KCTD1: variants seen among roughly 807,000 people sequenced by gnomAD.
KCTD1 encodes potassium channel tetramerization domain containing 1.
A neutral mutation model predicts 66.0 loss-of-function variants in KCTD1; 24 were observed. That is an observed-to-expected ratio of 0.36 (90% confidence interval 0.26 to 0.51). The LOEUF (loss-of-function observed/expected upper bound fraction) is 0.51. Among genes scored for constraint, KCTD1 ranks in the 20% least tolerant of loss-of-function variants. The probability of loss-of-function intolerance (pLI) is 0.95; values close to 1 mark genes in which losing one functional copy is unlikely to be tolerated. For synonymous variants in KCTD1, 511 were observed against 517.2 expected (o/e 0.99, Z 0.16); for missense variants, 943 against 1,205.2 (o/e 0.78, Z 3.22).
chr18:26,558,098 A>G (rs1985751539), intron 1 of KCTD1, among the ~76,000 whole-genome samples: 1 of 152,232 alleles, frequency 6.6e-6, no homozygotes, highest in South Asian at 2.1e-4. Flanking sequence ...GACAGTGATC[A>G]TGGAACTTGC....
At chr18:26,542,896 T>C (rs1985040282) in intron 1 of KCTD1, 2 of 152,332 alleles carry the variant, frequency 1.3e-5, no homozygotes, top group Middle Eastern at 3.4e-3. Flanking sequence ...ACAACATTAA[T>C]ATGTGAGTGC....
At chr18:26,568,433 C>T (rs575343482) in intron 1 of KCTD1, among the ~76,000 whole-genome samples, 4 of 152,028 alleles carry the variant, frequency 2.6e-5, no homozygotes, top group Admixed American at 2.6e-4. Flanking sequence ...GACGGGGTTT[C>T]GCCATGTTGC....
chr18:26,653,085 T>C (rs536508021), intron 1 of KCTD1, among the ~76,000 whole-genome samples: 3 of 152,206 alleles, frequency 2.0e-5, no homozygotes, highest in Non-Finnish European at 2.9e-5. Flanking sequence ...CCAAGGGCTA[T>C]GCTTCATCCA....
chr18:26,526,919 T>C (rs1339763966), intron 1 of KCTD1, among the ~76,000 whole-genome samples: 2 of 150,210 alleles, frequency 1.3e-5, no homozygotes, highest in African/African-American at 4.9e-5. Flanking sequence ...AAATATACAA[T>C]GACCAGTTTC....
rs1184919934 is a variant in KCTD1, at chr18:26,455,130, T to C, written c.*613A>G. 6.6e-6 allele frequency: 1 copy of C among 152,592 alleles called. No individual in the cohort carries two copies. Among genetic ancestry groups the C allele is most frequent in the Non-Finnish European group, 1.5e-5 (1 of 68,050 alleles). 9.5% of individuals were successfully genotyped at this position (152,592 alleles called of 1,614,324 possible). ...TAAAACAAAGTAAAGTTCACATCTG[T>C]GAGGTGGACAAAAAAGTGTGACTTC... On this transcript the variant is annotated 3_prime_UTR_variant, in exon 5 of 5. Coordinates refer to ENST00000580059, the MANE Select transcript of KCTD1 (RefSeq NM_001142730.3).
intron 1 of KCTD1, among the ~76,000 whole-genome samples, chr18:26,553,867 T>A (rs1598938729): frequency 6.8e-6 from 1 of 146,900 alleles, no homozygotes. Flanking sequence ...TTGCCCAAGG[T>A]CTCCCAGACC....
intron 1 of KCTD1, among the ~76,000 whole-genome samples, chr18:26,635,442 C>T (rs765221233): frequency 3.3e-5 from 5 of 152,248 alleles, no homozygotes; most frequent in Non-Finnish European, 4.4e-5. Context: ...CCTGGTCGTG[C>T]TCCTGCGCGC....
chr18:26,644,323 G>T (rs962517098), upstream of KCTD1, among the ~76,000 whole-genome samples: 1 of 152,118 alleles, frequency 6.6e-6, no homozygotes, highest in Non-Finnish European at 1.5e-5. Flanking sequence ...ACCGACCGTT[G>T]GCAAGACAGA....
At chr18:26,643,393 C>T (rs1057197713), upstream of KCTD1, among the ~76,000 whole-genome samples, 11 of 152,038 alleles carry the variant, frequency 7.2e-5, no homozygotes, top group East Asian at 1.9e-4. Flanking sequence ...CAAAAAGATG[C>T]GTTGTTCAAC....
intron 3 of KCTD1, among the ~76,000 whole-genome samples, chr18:26,472,364 T>A (rs973497892): frequency 2.0e-5 from 3 of 152,180 alleles, no homozygotes; most frequent in African/African-American, 7.2e-5. Flanking sequence ...AGTATACATG[T>A]CTGTAGCTGT....
chr18:26,476,419 G>T lies in KCTD1; in HGVS notation c.2133+96C>A. The T allele has an allele frequency of 8.6e-7, 1 of 1,160,276 alleles. No homozygotes were observed. The highest frequency in any genetic ancestry group is 1.2e-6 in the Non-Finnish European group (1 of 833,154). 71.9% of individuals were successfully genotyped at this position (1,160,276 alleles called of 1,614,324 possible). ...AGAGAACTCTGGCACCTTTCGAGTT[G>T]GTGTATGTTAATAATGTAGAACTAG... is the stretch of plus-strand genomic sequence containing the variant. On this transcript the variant is annotated intron_variant, in intron 3 of 4. Coordinates refer to ENST00000580059, the MANE Select transcript of KCTD1 (RefSeq NM_001142730.3). The surrounding 1 kb of genome is among the most constrained non-coding windows in gnomAD (Gnocchi z 4.9).
intron 1 of KCTD1, among the ~76,000 whole-genome samples, chr18:26,526,395 G>A (rs994300618): frequency 3.9e-5 from 6 of 152,264 alleles, no homozygotes; most frequent in Admixed American, 3.9e-4. Flanking sequence ...GCACATAGAG[G>A]ACCTCGTGCC....
chr18:26,550,923 C>G (rs1038056456), upstream of KCTD1, among the ~76,000 whole-genome samples: 1 of 152,194 alleles, frequency 6.6e-6, no homozygotes, highest in Non-Finnish European at 1.5e-5. The surrounding 1 kb of genome is among the most constrained non-coding windows in gnomAD (Gnocchi z 5.4). Flanking sequence ...AGTTACCTAC[C>G]AGGGGCTGTT....
intron 1 of KCTD1, among the ~76,000 whole-genome samples, chr18:26,529,334 G>A (rs1325284744): frequency 6.6e-6 from 1 of 151,994 alleles, no homozygotes; most frequent in Non-Finnish European, 1.5e-5. Flanking sequence ...CCTTTAAATG[G>A]CCTTGGCACT....
At chr18:26,576,001 T>C (rs944832254) in intron 1 of KCTD1, among the ~76,000 whole-genome samples, 5 of 152,224 alleles carry the variant, frequency 3.3e-5, no homozygotes, top group Non-Finnish European at 1.5e-5. Context: ...AATACATATA[T>C]TCACAGAAGG....
chr18:26,600,479 G>A, intron 1 of KCTD1: 1 of 634,272 alleles, frequency 1.6e-6, no homozygotes, highest in Non-Finnish European at 2.8e-6. Flanking sequence ...AGCAGACAGA[G>A]TGAAGCTGGC....
At chr18:26,620,703 T>G (rs908893617) in intron 1 of KCTD1, among the ~76,000 whole-genome samples, 5 of 151,186 alleles carry the variant, frequency 3.3e-5, no homozygotes, top group Non-Finnish European at 5.9e-5. Context: ...CCCAAAGTGC[T>G]GGGATTACAG....
At chr18:26,517,367 G>A (rs1189409960) in intron 1 of KCTD1, among the ~76,000 whole-genome samples, 1 of 151,992 alleles carries the variant, frequency 6.6e-6, no homozygotes, top group Admixed American at 6.6e-5. Flanking sequence ...AAAAAGGGGA[G>A]TTTAAAGGCT....
intron 2 of KCTD1, among the ~76,000 whole-genome samples, chr18:26,484,199 C>T (rs1044739509): frequency 6.6e-6 from 1 of 152,060 alleles, no homozygotes; most frequent in Admixed American, 6.6e-5. Flanking sequence ...ATCTATATTT[C>T]ATGAACACAG....
Sources: gnomAD v4.1 joint callset for allele counts (sites outside exome capture counted in the v4.1 genomes callset) on GRCh38, gnomAD v4.1.1 for gene constraint, Gnocchi (gnomAD v3.1) non-coding constraint, MANE v1.5 for transcripts, NCBI Gene and HGNC (gene_info 2026-07-23, HGNC 2026-07-21) for gene names.